Variants in EPAS1 observed in about 807,000 individuals in gnomAD.
EPAS1 encodes the protein endothelial PAS domain-containing protein 1.
A neutral mutation model predicts 87.9 loss-of-function variants in EPAS1; 23 were observed. The observed-to-expected ratio is 0.26, with a 90% confidence interval of 0.19 to 0.37. The LOEUF (loss-of-function observed/expected upper bound fraction) is 0.37. Ranked by LOEUF, EPAS1 falls within the 10% of genes least tolerant of loss-of-function variation. EPAS1 has a pLI of 1.00. For synonymous variants in EPAS1, 508 were observed against 444.3 expected, an observed-to-expected ratio of 1.14 and a Z score of -1.80; for missense variants, 1,138 against 1,120.7, an observed-to-expected ratio of 1.02 and a Z score of -0.22.
rs925694869 is a variant in EPAS1 at position 46,348,934 on chromosome 2, C to T, written c.217+1871C>T. On this transcript the variant is annotated intron_variant, in intron 2 of 15. Coordinates refer to ENST00000263734, the MANE Select transcript of EPAS1 (RefSeq NM_001430.5). ...GAATGCCTCTGACTAAATTTGGACT[C>T]GTTGTGTTTCTCCTTATTTCACAGA... Among the ~76,000 whole-genome samples, 8 of 152,184 alleles carry T rather than the reference C, an allele frequency of 5.3e-5. No individual in the cohort carries two copies. The South Asian group carries it at 1.0e-3, about 20-fold the overall frequency.
Position 46,370,638 on chromosome 2 carries a change from A to T in EPAS1, c.886+705A>T, listed in dbSNP as rs1204297777. Among the ~76,000 whole-genome samples the T allele has an allele frequency of 5.3e-5, 8 of 152,208 alleles. No homozygotes were observed. The South Asian group carries it at 1.4e-3, about 28-fold the overall frequency. On this transcript the variant is annotated intron_variant, in intron 7 of 15. Coordinates refer to ENST00000263734, the MANE Select transcript of EPAS1 (RefSeq NM_001430.5). ...TGCCACATAGAACTTTCTGCAGTGG[A>T]AATGTTCTTGAAATGTGGCTAGAGA...
At chr2:46,363,693 A>G (rs1684448821) in intron 6 of EPAS1, among the ~76,000 whole-genome samples, 1 of 152,208 alleles carries the variant, frequency 6.6e-6, no homozygotes, top group South Asian at 2.1e-4. Flanking sequence ...TAAAGGAAGT[A>G]TCAAGCCTCG....
chr2:46,351,101 C>T (rs1684136331), intron 2 of EPAS1, among the ~76,000 whole-genome samples: 1 of 152,182 alleles, frequency 6.6e-6, no homozygotes, highest in Admixed American at 6.5e-5. Flanking sequence ...CCCTTTGTCC[C>T]ACCCACTCCA....
chr2:46,361,972 G>T (rs182961546), intron 6 of EPAS1, among the ~76,000 whole-genome samples: 60 of 152,256 alleles, frequency 3.9e-4, no homozygotes, highest in South Asian at 3.5e-3. Flanking sequence ...GATGCCCGGA[G>T]CAATGGCCGG....
intron 1 of EPAS1, among the ~76,000 whole-genome samples, chr2:46,299,408 G>T (rs1400550233): frequency 6.6e-6 from 1 of 152,164 alleles, no homozygotes; most frequent in Non-Finnish European, 1.5e-5. Context: ...GACTGCAGCC[G>T]GCACATTCCC....
chr2:46,372,415 A>T (rs1684646242), intron 7 of EPAS1, among the ~76,000 whole-genome samples: 1 of 152,208 alleles, frequency 6.6e-6, no homozygotes, highest in East Asian at 1.9e-4. Flanking sequence ...CCAGATTCAC[A>T]CACTGGGATC....
intron 1 of EPAS1, among the ~76,000 whole-genome samples, chr2:46,302,258 G>C (rs943778997): frequency 1.3e-5 from 2 of 151,746 alleles, no homozygotes; most frequent in East Asian, 3.9e-4. Context: ...CAGTGCTCCA[G>C]GATTTTAGGC....
chr2:46,304,304 G>C (rs1683067774), intron 1 of EPAS1, among the ~76,000 whole-genome samples: 1 of 152,126 alleles, frequency 6.6e-6, no homozygotes, highest in African/African-American at 2.4e-5. Context: ...AAGTCTAGAA[G>C]GGCTAACTGC....
intron 1 of EPAS1, among the ~76,000 whole-genome samples, chr2:46,327,541 A>G (rs1180858650): frequency 6.6e-6 from 1 of 152,230 alleles, no homozygotes; most frequent in African/African-American, 2.4e-5. Context: ...ACTGCCATTA[A>G]TATTTAAATT....
At chr2:46,348,922 T>A (rs1186690005) in intron 2 of EPAS1, among the ~76,000 whole-genome samples, 1 of 152,228 alleles carries the variant, frequency 6.6e-6, no homozygotes, top group Non-Finnish European at 1.5e-5. Flanking sequence ...TGCCTCTGAC[T>A]AAATTTGGAC....
Position 46,347,135 on chromosome 2 carries a change from C to A in EPAS1, c.217+72C>A. On this transcript the variant is annotated intron_variant, in intron 2 of 15. Transcript: ENST00000263734. The surrounding 1 kb of genome is among the most constrained non-coding windows in gnomAD (Gnocchi z 4.2). ...AGCATGTTCCTATATGCAGGGGACC[C>A]TTCTGCTGCCAGAGCTGGAAAGTCA... The A allele has an allele frequency of 6.4e-7, 1 of 1,568,626 alleles. No homozygotes were observed. Among genetic ancestry groups the A allele is most frequent in the Non-Finnish European group, 8.8e-7 (1 of 1,139,652 alleles).
At chr2:46,366,335 TTCATTTTACATTTTGAAGGCACATC>T (rs1477101217) in intron 6 of EPAS1, among the ~76,000 whole-genome samples, 1 of 152,228 alleles carries the variant, frequency 6.6e-6, no homozygotes, top group East Asian at 1.9e-4. Context: ...CAATGAATCA[TTCATTTTACATTTTGAAGGCACATC>T]TCACTCTGAA....
chr2:46,356,039 GA>G, intron 2 of EPAS1, 111 bp from the exon 3 acceptor site: 1 of 1,226,338 alleles, frequency 8.2e-7, no homozygotes, highest in Non-Finnish European at 1.2e-6. Context: ...TGCGTTTCCA[GA>G]AAAGTCCACC....
At chr2:46,365,859 T>C (rs1684489368) in intron 6 of EPAS1, among the ~76,000 whole-genome samples, 1 of 152,062 alleles carries the variant, frequency 6.6e-6, no homozygotes, top group Non-Finnish European at 1.5e-5. Flanking sequence ...CACGGGGTGC[T>C]GAGGAGAGGC....
At chr2:46,381,816 G>A in intron 13 of EPAS1, 94 bp downstream of exon 13, 1 of 1,578,576 alleles carries the variant, frequency 6.3e-7, no homozygotes, top group Non-Finnish European at 8.6e-7. Flanking sequence ...TTCCAAGCCA[G>A]CATAGCCCTT....
At position 46,375,882 on chromosome 2, in the gene EPAS1, G is replaced by A; in HGVS notation, c.1034+45G>A. 2 of 1,613,378 alleles carry A rather than the reference G, an allele frequency of 1.2e-6. No individual in the cohort carries two copies. The highest frequency in any genetic ancestry group is 1.1e-5 in the South Asian group (1 of 91,054). ...CGGGCCTTGGTGCAGGGTATGTGGG[G>A]GTGCCCAAGCTTCCCAGACTCAGGA... On this transcript the variant is annotated intron_variant, in intron 8 of 15. Transcript: ENST00000263734. This position sits in a 1 kb window ranked among gnomAD's most constrained non-coding sequence, Gnocchi z 4.1.
intron 2 of EPAS1, among the ~76,000 whole-genome samples, chr2:46,348,418 T>C (rs1351683910): frequency 6.6e-6 from 1 of 152,182 alleles, no homozygotes; most frequent in African/African-American, 2.4e-5. Flanking sequence ...CCCCTCCCTT[T>C]AAAAAGGCTT....
At chr2:46,364,559 G>C (rs1431444506) in intron 6 of EPAS1, among the ~76,000 whole-genome samples, 12 of 152,182 alleles carry the variant, frequency 7.9e-5, no homozygotes, top group African/African-American at 2.7e-4. Flanking sequence ...AAATGCATTT[G>C]TCCTCCTGTT....
intron 4 of EPAS1, among the ~76,000 whole-genome samples, chr2:46,357,240 G>T (rs1018182181): frequency 6.6e-6 from 1 of 152,194 alleles, no homozygotes; most frequent in African/African-American, 2.4e-5. Flanking sequence ...GGGTTCTGTG[G>T]GTTCAGTGGG....
Sources: gnomAD v4.1 joint callset for allele counts (sites outside exome capture counted in the v4.1 genomes callset) on GRCh38, gnomAD v4.1.1 for gene constraint, Gnocchi (gnomAD v3.1) non-coding constraint, MANE v1.5 for transcripts, NCBI Gene and HGNC (gene_info 2026-07-23, HGNC 2026-07-21) for gene names.